SYT1: variants seen among roughly 807,000 people sequenced by gnomAD.
SYT1 encodes synaptotagmin-1.
A neutral mutation model predicts 44.8 loss-of-function variants in SYT1; 8 were observed. That is an observed-to-expected ratio of 0.18 (90% confidence interval 0.10 to 0.32). The LOEUF is 0.32. Ranked by LOEUF, SYT1 falls within the 10% of genes least tolerant of loss-of-function variation. SYT1 has a pLI of 1.00. For synonymous variants in SYT1, 154 were observed against 188.8 expected, an observed-to-expected ratio of 0.82 and a Z score of 1.51; for missense variants, 286 against 509.3, an observed-to-expected ratio of 0.56 and a Z score of 4.22.
intron 3 of SYT1, among the ~76,000 whole-genome samples, chr12:79,196,656 A>C (rs1873482133): frequency 6.6e-6 from 1 of 152,212 alleles, no homozygotes; most frequent in South Asian, 2.1e-4. Flanking sequence ...ACACAACGGA[A>C]GAAAGCTTCA....
chr12:79,178,995 G>GATATAGATATAGAT (rs1872118149), intron 3 of SYT1, among the ~76,000 whole-genome samples: 1 of 37,566 alleles, frequency 2.7e-5, no homozygotes, highest in African/African-American at 1.1e-4. Context: ...TATCTATATA[G>GATATAGATATAGAT]ATATAGATAT....
At chr12:79,251,567 A>G (rs1227540199) in intron 4 of SYT1, among the ~76,000 whole-genome samples, 1 of 152,192 alleles carries the variant, frequency 6.6e-6, no homozygotes, top group Non-Finnish European at 1.5e-5. Context: ...ACTTCTATGG[A>G]TAACCACACT....
At chr12:79,348,827 A>G (rs1034703602) in intron 8 of SYT1, among the ~76,000 whole-genome samples, 42 of 151,544 alleles carry the variant, frequency 2.8e-4, no homozygotes, top group African/African-American at 1.0e-3. Flanking sequence ...AGTATCATAT[A>G]GAGATGGTGC....
intron 3 of SYT1, among the ~76,000 whole-genome samples, chr12:79,089,552 A>T (rs984489264): frequency 6.6e-6 from 1 of 151,872 alleles, no homozygotes; most frequent in Admixed American, 6.6e-5. Context: ...CAAGGACACA[A>T]ATTGAAATAA....
At chr12:79,142,298 G>A (rs1375563691) in intron 3 of SYT1, among the ~76,000 whole-genome samples, 1 of 152,190 alleles carries the variant, frequency 6.6e-6, no homozygotes, top group Non-Finnish European at 1.5e-5. Context: ...ATGCTCTAAA[G>A]TTACAGCTGA....
At chr12:79,368,226 CT>C (rs1565928583) in intron 9 of SYT1, among the ~76,000 whole-genome samples, 1 of 152,072 alleles carries the variant, frequency 6.6e-6, no homozygotes. Flanking sequence ...AGGACATGAA[CT>C]CATCATTTTT....
At chr12:79,058,726 T>G (rs1875149211) in intron 3 of SYT1, among the ~76,000 whole-genome samples, 1 of 152,048 alleles carries the variant, frequency 6.6e-6, no homozygotes, top group Admixed American at 6.6e-5. Context: ...TGTGGGGTCC[T>G]GGAGTGATAC....
At chr12:79,152,364 G>T (rs1189397222) in intron 3 of SYT1, among the ~76,000 whole-genome samples, 1 of 152,122 alleles carries the variant, frequency 6.6e-6, no homozygotes, top group Non-Finnish European at 1.5e-5. Flanking sequence ...GATACAAACA[G>T]ACATACCTCT....
chr12:79,387,465 C>T (rs1884481193), intron 9 of SYT1, among the ~76,000 whole-genome samples: 1 of 152,178 alleles, frequency 6.6e-6, no homozygotes, highest in African/African-American at 2.4e-5. Context: ...AATGAAAAAA[C>T]TAAGCTATTT....
chr12:78,944,673 A>G (rs1017027169), intron 1 of SYT1, among the ~76,000 whole-genome samples: 5 of 152,154 alleles, frequency 3.3e-5, no homozygotes, highest in African/African-American at 1.2e-4. Flanking sequence ...AACAGAAATA[A>G]AATTAAGTTG....
At chr12:78,883,155 A>T (rs1413607869) in intron 1 of SYT1, among the ~76,000 whole-genome samples, 1 of 151,712 alleles carries the variant, frequency 6.6e-6, no homozygotes, top group Non-Finnish European at 1.5e-5. Context: ...TAATACACTA[A>T]ATTATAATGT....
intron 3 of SYT1, among the ~76,000 whole-genome samples, chr12:79,116,460 A>T (rs975874069): frequency 6.6e-6 from 1 of 152,168 alleles, no homozygotes; most frequent in African/African-American, 2.4e-5. Flanking sequence ...TTGACTTAGG[A>T]TCCACACAAA....
chr12:79,073,123 G>A (rs964458669), intron 3 of SYT1, among the ~76,000 whole-genome samples: 1 of 151,838 alleles, frequency 6.6e-6, no homozygotes, highest in Non-Finnish European at 1.5e-5. Context: ...TTTAAAAAAA[G>A]ACAAGGTCTC....
At chr12:79,337,213 C>A (rs941988398) in intron 8 of SYT1, among the ~76,000 whole-genome samples, 2 of 152,164 alleles carry the variant, frequency 1.3e-5, no homozygotes, top group African/African-American at 4.8e-5. Context: ...GGAGAACATG[C>A]TCAGAGTGCA....
At chr12:78,972,885 AAC>A (rs1295318543) in intron 1 of SYT1, among the ~76,000 whole-genome samples, 1 of 152,152 alleles carries the variant, frequency 6.6e-6, no homozygotes, top group Non-Finnish European at 1.5e-5. Context: ...AACTGAGAAT[AAC>A]TAAAGGATTC....
At chr12:79,338,992 A>G (rs1381195823) in intron 8 of SYT1, among the ~76,000 whole-genome samples, 8 of 152,298 alleles carry the variant, frequency 5.3e-5, no homozygotes, top group African/African-American at 1.9e-4. Flanking sequence ...TACAAACAAC[A>G]TGAATTCATC....
chr12:79,050,089 G>T (rs1241545726), intron 3 of SYT1, among the ~76,000 whole-genome samples: 1 of 151,880 alleles, frequency 6.6e-6, no homozygotes. Flanking sequence ...ACTACTAATA[G>T]CCTACTGTTG....
At chr12:79,136,843 C>T (rs1869224371) in intron 3 of SYT1, among the ~76,000 whole-genome samples, 2 of 152,030 alleles carry the variant, frequency 1.3e-5, no homozygotes, top group African/African-American at 2.4e-5. Flanking sequence ...TTAAATATGG[C>T]CTTACTTGCA....
intron 3 of SYT1, among the ~76,000 whole-genome samples, chr12:79,185,104 G>A (rs2138427068): frequency 6.6e-6 from 1 of 152,092 alleles, no homozygotes; most frequent in East Asian, 1.9e-4. Context: ...CTGATCCTCA[G>A]GAGCACTAGT....
Sources: gnomAD v4.1 joint callset for allele counts (sites outside exome capture counted in the v4.1 genomes callset) on GRCh38, gnomAD v4.1.1 for gene constraint, MANE v1.5 for transcripts, NCBI Gene and HGNC (gene_info 2026-07-23, HGNC 2026-07-21) for gene names.